TCEA1: variants seen among roughly 807,000 people sequenced by gnomAD.
TCEA1 encodes the protein transcription elongation factor A protein 1.
TCEA1 carries 21 observed loss-of-function variants against 43.8 expected under a neutral mutation model. The observed-to-expected ratio is 0.48, with a 90% confidence interval of 0.34 to 0.69. The LOEUF (loss-of-function observed/expected upper bound fraction) is 0.69, where lower values mean the gene tolerates loss of function less well. Ranked by LOEUF, TCEA1 falls within the 30% of genes least tolerant of loss-of-function variation. The pLI, the probability that TCEA1 is intolerant of heterozygous loss-of-function variation, is 0.01. For missense variants in TCEA1, 250 were observed against 365.1 expected, an observed-to-expected ratio of 0.68 and a Z score of 2.57; for synonymous variants, 104 against 117.5, an observed-to-expected ratio of 0.88 and a Z score of 0.75.
intron 3 of TCEA1, 126 bp from the exon 4 acceptor site, chr8:53,993,881 G>A: frequency 2.7e-6 from 2 of 731,870 alleles, no homozygotes; most frequent in Non-Finnish European, 2.3e-6. Context: ...GATGAAGTTT[G>A]CATAAGCTAT....
chr8:54,015,229 G>T (rs1804786146), intron 1 of TCEA1, among the ~76,000 whole-genome samples: 1 of 151,734 alleles, frequency 6.6e-6, no homozygotes, highest in African/African-American at 2.4e-5. Context: ...GAGTGCAGTG[G>T]CGTGATCTCA....
chr8:54,015,345 T>C (rs1804789599), intron 1 of TCEA1, among the ~76,000 whole-genome samples: 1 of 152,042 alleles, frequency 6.6e-6, no homozygotes, highest in East Asian at 1.9e-4. Context: ...AATTTTTGTA[T>C]TTTCAGTAGA....
chr8:53,971,242 G>A (rs996456049), intron 8 of TCEA1: 1 of 152,176 alleles, frequency 6.6e-6, no homozygotes, highest in Admixed American at 6.5e-5. Context: ...CAACAAACAA[G>A]AAATAATCAG....
intron 8 of TCEA1, among the ~76,000 whole-genome samples, chr8:53,975,822 G>A (rs952542468): frequency 6.6e-6 from 1 of 152,146 alleles, no homozygotes; most frequent in Non-Finnish European, 1.5e-5. Context: ...GTACAGCACT[G>A]TGAATGCTCT....
intron 2 of TCEA1, among the ~76,000 whole-genome samples, chr8:54,005,336 T>C (rs1485086238): frequency 6.6e-6 from 1 of 152,200 alleles, no homozygotes; most frequent in African/African-American, 2.4e-5. Flanking sequence ...CACTACCATA[T>C]CAGTCAACAC....
intron 4 of TCEA1, among the ~76,000 whole-genome samples, chr8:53,992,719 G>C (rs1013685375): frequency 3.9e-5 from 6 of 152,144 alleles, no homozygotes; most frequent in Non-Finnish European, 8.8e-5. Flanking sequence ...TCCTCTTCCA[G>C]GGACCACACT....
intron 5 of TCEA1, among the ~76,000 whole-genome samples, chr8:53,987,501 G>A (rs905476638): frequency 3.3e-5 from 5 of 152,084 alleles, no homozygotes; most frequent in African/African-American, 4.8e-5. Context: ...GAGACAGTCA[G>A]GAAATCAAAG....
intron 3 of TCEA1, among the ~76,000 whole-genome samples, chr8:53,997,815 T>C (rs933375772): frequency 6.6e-6 from 1 of 152,148 alleles, no homozygotes; most frequent in Non-Finnish European, 1.5e-5. Flanking sequence ...GAAAGACTGC[T>C]TGAACCCAGG....
intron 1 of TCEA1, 146 bp from the exon 2 acceptor site, chr8:54,010,638 C>A: frequency 1.8e-6 from 1 of 567,816 alleles, no homozygotes; most frequent in Non-Finnish European, 3.1e-6. Flanking sequence ...TAGCTTACAG[C>A]CAAATATTAC....
intron 3 of TCEA1, among the ~76,000 whole-genome samples, chr8:53,998,306 G>A (rs1349567274): frequency 2.0e-5 from 3 of 152,190 alleles, no homozygotes; most frequent in East Asian, 1.9e-4. Context: ...GCCATAGGAG[G>A]AAGCTGGATA....
At chr8:53,980,296 C>T (rs983523411) in intron 7 of TCEA1, among the ~76,000 whole-genome samples, 5 of 152,206 alleles carry the variant, frequency 3.3e-5, no homozygotes, top group Non-Finnish European at 7.3e-5. Flanking sequence ...CATCTTCTCA[C>T]GCCAGTTTTT....
intron 1 of TCEA1, among the ~76,000 whole-genome samples, chr8:54,013,680 C>CAAAAAAAAAAA (rs5891511): frequency 8.0e-4 from 52 of 65,266 alleles, no homozygotes; most frequent in South Asian, 5.0e-3. Flanking sequence ...AACTCCATCT[C>CAAAAAAAAAAA]AAAAAAAAAA....
chr8:54,018,815 T>TA (rs1804926795), intron 1 of TCEA1, among the ~76,000 whole-genome samples: 1 of 152,330 alleles, frequency 6.6e-6, no homozygotes, highest in Middle Eastern at 3.4e-3. Flanking sequence ...AGCAAGTTCA[T>TA]ACTCTTACTT....
intron 1 of TCEA1, among the ~76,000 whole-genome samples, chr8:54,011,651 A>G (rs1213173117): frequency 2.0e-5 from 3 of 152,246 alleles, no homozygotes; most frequent in Non-Finnish European, 4.4e-5. Context: ...AAAAAAACAG[A>G]AAGAACCACA....
At chr8:54,015,464 G>A (rs1804792159) in intron 1 of TCEA1, among the ~76,000 whole-genome samples, 1 of 151,978 alleles carries the variant, frequency 6.6e-6, no homozygotes, top group Non-Finnish European at 1.5e-5. Flanking sequence ...CACCATGCCT[G>A]GCCCATTATC....
chr8:54,014,670 G>A (rs1586039414), intron 1 of TCEA1, among the ~76,000 whole-genome samples: 4 of 152,214 alleles, frequency 2.6e-5, no homozygotes, highest in African/African-American at 9.6e-5. Context: ...CATGATACTT[G>A]TACTATGTGC....
chr8:53,986,988 T>G lies in TCEA1; in HGVS notation c.504A>C (p.Leu168Phe). Residue 168 changes from leucine (L) to phenylalanine (F), a missense_variant, in exon 6 of 10, where the codon TTA becomes TTC. By Grantham distance (22) the Leu-to-Phe change is conservative. Around this residue, in one of 4 missense-constraint regions of TCEA1, gnomAD observed 147 missense variants for 160.3 expected, o/e 0.92. Transcript: ENST00000521604. ...GGATATCTTCTTCAATTTGAGATCCTAATTCTTCCTCATCAGCTCCAATTG... is the reference window on the plus strand; with the variant it reads ...GGATATCTTCTTCAATTTGAGATCCGAATTCTTCCTCATCAGCTCCAATTG... ...YIAIGADEEE[L>F]GSQIEEAIYQ... 1 of 1,599,396 alleles carries G rather than the reference T, an allele frequency of 6.3e-7. No homozygotes were observed. The highest frequency in any genetic ancestry group is 8.5e-7 in the Non-Finnish European group (1 of 1,173,422).
chr8:53,979,293 C>T (rs1256422822), intron 7 of TCEA1, 122 bp from the exon 8 acceptor site: 9 of 1,097,136 alleles, frequency 8.2e-6, no homozygotes, highest in Admixed American at 2.7e-5. Context: ...GTTTTAAAAG[C>T]ATTAAATTAA....
chr8:53,981,198 T>G (rs771766726), intron 7 of TCEA1, among the ~76,000 whole-genome samples: 1 of 152,240 alleles, frequency 6.6e-6, no homozygotes, highest in South Asian at 2.1e-4. Flanking sequence ...CAAGTGCTGA[T>G]GGAGAAGCTA....
Sources: gnomAD v4.1 joint callset for allele counts (sites outside exome capture counted in the v4.1 genomes callset) on GRCh38, gnomAD v4.1.1 for gene constraint, gnomAD v4.1.1 regional missense constraint, MANE v1.5 for transcripts, NCBI Gene and HGNC (gene_info 2026-07-23, HGNC 2026-07-21) for gene names.